SCIMP: variants seen among roughly 807,000 people sequenced by gnomAD.
SCIMP encodes the protein SLP adapter and CSK-interacting membrane protein.
A neutral mutation model predicts 22.0 loss-of-function variants in SCIMP; 18 were observed. The ratio of observed to expected loss-of-function variants is 0.82; its 90% CI spans 0.56 to 1.21. The LOEUF is 1.21. Among genes scored for constraint, SCIMP ranks in the 50% most tolerant of loss-of-function variants. SCIMP has a pLI of 0.00. For missense variants in SCIMP, 155 were observed against 171.2 expected (o/e 0.91, Z 0.53); for synonymous variants, 53 against 62.2 (o/e 0.85, Z 0.70).
intron 2 of SCIMP, among the ~76,000 whole-genome samples, chr17:5,223,131 C>G (rs2074620734): frequency 6.6e-6 from 1 of 152,170 alleles, no homozygotes. Context: ...GATGTCCCTC[C>G]TTTCACTGTG....
chr17:5,215,832 C>T (rs765190725), intron 3 of SCIMP, among the ~76,000 whole-genome samples: 3 of 152,148 alleles, frequency 2.0e-5, no homozygotes, highest in Non-Finnish European at 2.9e-5. Flanking sequence ...CAGAGAAGCA[C>T]AGACACATAA....
chr17:5,220,432 CAAAAAAAAAAAAA>C (rs908309110), intron 3 of SCIMP, among the ~76,000 whole-genome samples: 2 of 63,702 alleles, frequency 3.1e-5, no homozygotes, highest in African/African-American at 1.2e-4. Flanking sequence ...ACCCCATCTC[CAAAAAAAAAAAAA>C]AAAAAAAAAG....
At chr17:5,226,506 T>C (rs2074649790) in intron 1 of SCIMP, among the ~76,000 whole-genome samples, 1 of 139,438 alleles carries the variant, frequency 7.2e-6, no homozygotes, top group African/African-American at 2.5e-5. Flanking sequence ...TTTTCTTTCT[T>C]TCTTTTTTTT....
intron 3 of SCIMP, among the ~76,000 whole-genome samples, chr17:5,219,254 C>T (rs569779963): frequency 2.0e-5 from 3 of 148,518 alleles, no homozygotes; most frequent in Admixed American, 6.7e-5. Flanking sequence ...GGGAGGCAGA[C>T]GTTGTGGTGA....
intron 4 of SCIMP, 63 bp downstream of exon 4, chr17:5,214,862 A>G (rs1567838007): frequency 7.3e-6 from 5 of 687,206 alleles, no homozygotes; most frequent in South Asian, 1.8e-5. Context: ...AAAAAAAAAA[A>G]GACACCTTGA....
intron 2 of SCIMP, 96 bp from the exon 3 acceptor site, chr17:5,221,446 T>C (rs916659196): frequency 1.1e-6 from 1 of 914,002 alleles, no homozygotes. Context: ...ACACAGTTAA[T>C]AAATGATAGA....
chr17:5,211,908 C>T (rs972339428), intron 4 of SCIMP, among the ~76,000 whole-genome samples: 3 of 151,888 alleles, frequency 2.0e-5, no homozygotes, highest in African/African-American at 4.8e-5. Context: ...ATTAGCTGGG[C>T]GTGATGGCGG....
At chr17:5,221,577 G>T (rs567833732) in intron 2 of SCIMP, among the ~76,000 whole-genome samples, 94 of 152,278 alleles carry the variant, frequency 6.2e-4, no homozygotes, top group African/African-American at 2.2e-3. Flanking sequence ...ACTTAGAAAT[G>T]TTGGCTGAAT....
chr17:5,220,432 CAAAAAAA>C (rs908309110), intron 3 of SCIMP, among the ~76,000 whole-genome samples: 26 of 63,734 alleles, frequency 4.1e-4, no homozygotes, highest in Admixed American at 8.8e-4. Flanking sequence ...ACCCCATCTC[CAAAAAAA>C]AAAAAAAAAA....
rs113877698 is a variant in SCIMP at position 5,222,158 on chromosome 17, C to T, written c.146-808G>A. Among the ~76,000 whole-genome samples, 1,005 of 150,870 alleles carry T rather than the reference C, an allele frequency of 6.7e-3. 15 individuals carry two copies. Among genetic ancestry groups the T allele is most frequent in the African/African-American group, 0.023 (929 of 41,070 alleles). Reference sequence around the variant, plus strand: ...AGACTGGAGGGCAGTGATGCGATCTCGGCTCACTGCAAGCTCCACCTCCCA... The same window carrying T: ...AGACTGGAGGGCAGTGATGCGATCTTGGCTCACTGCAAGCTCCACCTCCCA... On this transcript the variant is annotated intron_variant, in intron 2 of 4. Coordinates refer to ENST00000574081, the MANE Select transcript of SCIMP (RefSeq NM_207103.3).
At chr17:5,225,623 A>G (rs1323998722) in intron 1 of SCIMP, among the ~76,000 whole-genome samples, 3 of 151,582 alleles carry the variant, frequency 2.0e-5, no homozygotes, top group East Asian at 1.9e-4. Flanking sequence ...TTAGCTGGGC[A>G]TGGTGGTGCA....
At chr17:5,225,639 G>A (rs1247412882) in intron 1 of SCIMP, among the ~76,000 whole-genome samples, 3 of 152,070 alleles carry the variant, frequency 2.0e-5, no homozygotes, top group East Asian at 3.9e-4. Context: ...GTGCACGCCT[G>A]TAATCCCAGC....
chr17:5,226,301 A>C (rs1597292555), intron 1 of SCIMP, among the ~76,000 whole-genome samples: 1 of 152,240 alleles, frequency 6.6e-6, no homozygotes, highest in Non-Finnish European at 1.5e-5. Flanking sequence ...TAGCTTCCAA[A>C]AAAAACTATT....
intron 3 of SCIMP, 32 bp downstream of exon 3, chr17:5,221,255 A>G: frequency 6.5e-7 from 1 of 1,528,532 alleles, no homozygotes; most frequent in Non-Finnish European, 9.1e-7. Flanking sequence ...AGTTCTCAAC[A>G]GTAAAAAGCG....
intron 1 of SCIMP, among the ~76,000 whole-genome samples, chr17:5,225,543 A>G (rs904358888): frequency 1.3e-5 from 2 of 152,008 alleles, no homozygotes; most frequent in African/African-American, 4.8e-5. Context: ...GGCGGATCAC[A>G]TGAGGTCAGG....
At chr17:5,223,074 G>A (rs1280545466) in intron 2 of SCIMP, among the ~76,000 whole-genome samples, 1 of 152,170 alleles carries the variant, frequency 6.6e-6, no homozygotes, top group African/African-American at 2.4e-5. Context: ...AACAGATTCT[G>A]CTTTCACCCA....
intron 3 of SCIMP, among the ~76,000 whole-genome samples, chr17:5,215,955 G>A (rs1057406561): frequency 4.6e-5 from 7 of 151,570 alleles, no homozygotes; most frequent in African/African-American, 1.2e-4. Flanking sequence ...TTTGGGAGGC[G>A]AAAGAGGGAG....
At chr17:5,227,552 G>A (rs142942506) in intron 1 of SCIMP, among the ~76,000 whole-genome samples, 1 of 152,302 alleles carries the variant, frequency 6.6e-6, no homozygotes, top group African/African-American at 2.4e-5. Context: ...GATTAGAGAA[G>A]GGAGTGACAC....
intron 1 of SCIMP, among the ~76,000 whole-genome samples, chr17:5,224,747 G>T (rs887411839): frequency 6.6e-6 from 1 of 152,114 alleles, no homozygotes; most frequent in African/African-American, 2.4e-5. Context: ...AAGCCACCAT[G>T]CCCAGCCAGT....
Sources: gnomAD v4.1 joint callset for allele counts (sites outside exome capture counted in the v4.1 genomes callset) on GRCh38, gnomAD v4.1.1 for gene constraint, MANE v1.5 for transcripts, NCBI Gene and HGNC (gene_info 2026-07-23, HGNC 2026-07-21) for gene names.